Variants in EGLN3 observed in about 807,000 individuals in gnomAD.
The protein encoded by EGLN3 is prolyl hydroxylase EGLN3.
In EGLN3, 15 loss-of-function variants were observed where a neutral mutation model predicts 26.0. That is an observed-to-expected ratio of 0.58 (90% CI 0.39 to 0.89). The LOEUF is 0.89. EGLN3 is among the 40% of genes least tolerant of loss of function. EGLN3 has a pLI of 0.00. For missense variants in EGLN3, 238 were observed against 311.6 expected (o/e 0.76, Z 1.78); for synonymous variants, 147 against 127.2 (o/e 1.16, Z -1.05).
chr14:33,926,863 T>TTG, intron 4 of EGLN3, 97 bp downstream of exon 4: 1 of 854,284 alleles, frequency 1.2e-6, no homozygotes. Context: ...AGCTAAGCCG[T>TTG]AACAGATTGA....
chr14:33,930,178 C>T (rs757345714), intron 2 of EGLN3, among the ~76,000 whole-genome samples: 3 of 152,152 alleles, frequency 2.0e-5, no homozygotes, highest in South Asian at 2.1e-4. Flanking sequence ...TTAAATGATT[C>T]CAGACCTTGC....
intron 3 of EGLN3, among the ~76,000 whole-genome samples, chr14:33,928,412 G>A (rs1201082234): frequency 1.3e-5 from 2 of 152,142 alleles, no homozygotes; most frequent in Non-Finnish European, 1.5e-5. Context: ...TTTAGACACA[G>A]ACAAAGGTAA....
intron 4 of EGLN3, among the ~76,000 whole-genome samples, chr14:33,926,159 C>G (rs893914723): frequency 2.6e-5 from 4 of 152,302 alleles, no homozygotes; most frequent in African/African-American, 9.6e-5. Flanking sequence ...TGGGCTAATG[C>G]TGAGCATAAG....
chr14:33,938,666 A>G (rs929319040), intron 1 of EGLN3, among the ~76,000 whole-genome samples: 4 of 152,264 alleles, frequency 2.6e-5, no homozygotes, highest in South Asian at 4.1e-4. Context: ...AGTCCAGCCC[A>G]GGGATAAGGA....
chr14:33,950,244 TG>T, intron 1 of EGLN3, 151 bp downstream of exon 1: 4 of 725,204 alleles, frequency 5.5e-6, no homozygotes, highest in Non-Finnish European at 7.2e-6. Flanking sequence ...GGGCGAGGGG[TG>T]GGGGGAAGCA....
chr14:33,945,816 G>T (rs1006995114), intron 1 of EGLN3, among the ~76,000 whole-genome samples: 2 of 152,220 alleles, frequency 1.3e-5, no homozygotes, highest in African/African-American at 4.8e-5. Flanking sequence ...ACCATGATAA[G>T]CTCCATTAAA....
At chr14:33,945,945 T>G (rs2064514608) in intron 1 of EGLN3, among the ~76,000 whole-genome samples, 1 of 152,230 alleles carries the variant, frequency 6.6e-6, no homozygotes, top group Non-Finnish European at 1.5e-5. Flanking sequence ...GTTTTGCTGT[T>G]TCATCATTCC....
rs777830054 is a variant in EGLN3, at chr14:33,929,038, C to T, written c.614+38G>A. 10 of 1,607,898 alleles carry T rather than the reference C, an allele frequency of 6.2e-6. No individual in the cohort carries two copies. The African/African-American group carries it at 1.2e-4, about 19-fold the overall frequency. ...GTTCTCTGGAACTAGGGTTTGTACACCAAGCTCCGGAAGAGGAATCATGGC... is the reference window on the plus strand; with the variant it reads ...GTTCTCTGGAACTAGGGTTTGTACATCAAGCTCCGGAAGAGGAATCATGGC... On this transcript the variant is annotated intron_variant, in intron 3 of 4. Transcript: ENST00000250457.
chr14:33,943,240 T>C (rs2064495549), intron 1 of EGLN3, among the ~76,000 whole-genome samples: 1 of 152,204 alleles, frequency 6.6e-6, no homozygotes, highest in Admixed American at 6.5e-5. Context: ...AATCAACGGC[T>C]CCTGGCAATC....
chr14:33,950,140 G>C (rs2064546668), intron 1 of EGLN3: 11 of 594,030 alleles, frequency 1.9e-5, no homozygotes. Flanking sequence ...TCTGGCTTTT[G>C]TCACCCACAA....
intron 1 of EGLN3, among the ~76,000 whole-genome samples, chr14:33,942,263 T>C (rs888283794): frequency 2.0e-5 from 3 of 150,822 alleles, no homozygotes; most frequent in Admixed American, 6.6e-5. Flanking sequence ...CCCTCAAGGA[T>C]TTTTCTACTA....
At chr14:33,940,037 TAA>T (rs780865052) in intron 1 of EGLN3, among the ~76,000 whole-genome samples, 2 of 152,236 alleles carry the variant, frequency 1.3e-5, no homozygotes, top group African/African-American at 4.8e-5. Flanking sequence ...AGAATTTTTT[TAA>T]AAGAGTGTGC....
intron 1 of EGLN3, among the ~76,000 whole-genome samples, chr14:33,947,642 A>C (rs1283710779): frequency 6.6e-6 from 1 of 152,236 alleles, no homozygotes. Context: ...AGCTAAAAAA[A>C]ATTGGTCTAA....
intron 3 of EGLN3, 47 bp from the exon 4 acceptor site, chr14:33,927,080 T>C: frequency 1.4e-6 from 2 of 1,382,308 alleles, no homozygotes; most frequent in Middle Eastern, 1.9e-4. Flanking sequence ...ATGGTACTAC[T>C]AGAAACACAA....
chr14:33,940,769 C>T (rs1859200152), intron 1 of EGLN3, among the ~76,000 whole-genome samples: 1 of 152,030 alleles, frequency 6.6e-6, no homozygotes, highest in Admixed American at 6.6e-5. Context: ...ATTTGGGGAG[C>T]TGAAAGTGGG....
chr14:33,948,488 A>G (rs1186991986), intron 1 of EGLN3: 2 of 152,226 alleles, frequency 1.3e-5, no homozygotes, highest in Non-Finnish European at 2.9e-5. Context: ...GTGGGACAGG[A>G]TAAATTTTAT....
At chr14:33,930,927 A>T (rs1045275826) in intron 2 of EGLN3, among the ~76,000 whole-genome samples, 169 bp downstream of exon 2, 29 of 152,168 alleles carry the variant, frequency 1.9e-4, no homozygotes, top group Admixed American at 1.2e-3. Context: ...CTTCTTAACA[A>T]CTTTAGGACT....
At chr14:33,950,301 T>C in intron 1 of EGLN3, 95 bp downstream of exon 1, 5 of 1,207,442 alleles carry the variant, frequency 4.1e-6, no homozygotes, top group Non-Finnish European at 6.1e-6. Flanking sequence ...AAAAACAAAG[T>C]TCGCTTACGG....
intron 1 of EGLN3, among the ~76,000 whole-genome samples, chr14:33,947,358 T>C (rs1260834938): frequency 1.3e-5 from 2 of 152,136 alleles, no homozygotes; most frequent in Non-Finnish European, 2.9e-5. Context: ...CACCCTTGGA[T>C]TTTTCTCCAG....
Sources: gnomAD v4.1 joint callset for allele counts (sites outside exome capture counted in the v4.1 genomes callset) on GRCh38, gnomAD v4.1.1 for gene constraint, MANE v1.5 for transcripts, NCBI Gene and HGNC (gene_info 2026-07-23, HGNC 2026-07-21) for gene names.